The following GAD2 variants were observed in gnomAD, a reference collection of about 807,000 sequenced individuals.
The protein encoded by GAD2 is 65 kDa glutamic acid decarboxylase.
In GAD2, 22 loss-of-function variants were observed where a neutral mutation model predicts 80.1. The ratio of observed to expected loss-of-function variants is 0.27; its 90% CI spans 0.20 to 0.39. The LOEUF is 0.39. Ranked by LOEUF, GAD2 falls within the 10% of genes least tolerant of loss-of-function variation. The pLI is 1.00. For missense variants in GAD2, 624 were observed against 738.4 expected (o/e 0.85, Z 1.80); for synonymous variants, 274 against 256.9 (o/e 1.07, Z -0.64).
intron 8 of GAD2, among the ~76,000 whole-genome samples, chr10:26,264,918 C>T (rs941801520): frequency 6.6e-6 from 1 of 152,176 alleles, no homozygotes; most frequent in South Asian, 2.1e-4. Flanking sequence ...GGCCAATGAA[C>T]GGGGTCAACT....
chr10:26,264,624 TTTAACCA>T (rs1231326402), intron 8 of GAD2, among the ~76,000 whole-genome samples: 1 of 152,158 alleles, frequency 6.6e-6, no homozygotes, highest in Non-Finnish European at 1.5e-5. Context: ...ATTTCAAGCT[TTTAACCA>T]TAGTCAACTG....
intron 8 of GAD2, among the ~76,000 whole-genome samples, chr10:26,262,083 G>A (rs1164064168): frequency 1.3e-5 from 2 of 152,032 alleles, no homozygotes; most frequent in Non-Finnish European, 2.9e-5. Context: ...TCTCTGACAC[G>A]TTTTGCTTTC....
At chr10:26,238,019 C>G (rs930280211) in intron 7 of GAD2, among the ~76,000 whole-genome samples, 1 of 151,116 alleles carries the variant, frequency 6.6e-6, no homozygotes, top group Non-Finnish European at 1.5e-5. Flanking sequence ...CACACACACA[C>G]ACACACACAC....
chr10:26,293,809 G>C (rs558841101), intron 15 of GAD2, among the ~76,000 whole-genome samples: 1 of 152,308 alleles, frequency 6.6e-6, no homozygotes, highest in Admixed American at 6.5e-5. Flanking sequence ...AGTGTGCATT[G>C]TGTCCCAGCT....
At chr10:26,248,191 C>T (rs370983858) in intron 8 of GAD2, among the ~76,000 whole-genome samples, 15 of 152,182 alleles carry the variant, frequency 9.9e-5, no homozygotes, top group Non-Finnish European at 2.2e-4. Flanking sequence ...CAAATCAATA[C>T]ATGGTGGTTA....
intron 8 of GAD2, among the ~76,000 whole-genome samples, chr10:26,249,523 C>G (rs115688288): frequency 6.6e-6 from 1 of 152,212 alleles, no homozygotes; most frequent in Non-Finnish European, 1.5e-5. Flanking sequence ...CCTAGAGGGC[C>G]GTGGCCCGCT....
At chr10:26,253,733 A>G (rs935230756) in intron 8 of GAD2, among the ~76,000 whole-genome samples, 10 of 152,240 alleles carry the variant, frequency 6.6e-5, no homozygotes, top group African/African-American at 2.4e-4. Flanking sequence ...CAGGAAGGGA[A>G]GCACCATGAT....
chr10:26,269,335 G>A (rs1480800228), intron 9 of GAD2, among the ~76,000 whole-genome samples, 162 bp downstream of exon 9: 1 of 152,116 alleles, frequency 6.6e-6, no homozygotes, highest in African/African-American at 2.4e-5. Flanking sequence ...TATTTCTCTG[G>A]GTTATAGGCT....
At chr10:26,224,108 TGA>T (rs1844489900) in intron 5 of GAD2, 131 bp downstream of exon 5, 1 of 624,038 alleles carries the variant, frequency 1.6e-6, no homozygotes, top group Non-Finnish European at 2.8e-6. Context: ...TTCTGAAGTG[TGA>T]GTGTTCACTT....
Position 26,219,123 on chromosome 10 carries a change from G to C in GAD2, c.367G>C (p.Val123Leu), listed in dbSNP as rs369441795. Reference sequence around the variant, plus strand: ...TATGAACATTTTACTTCAGTATGTGGTGAAAAGTTTCGATAGATCAACCAA... The same window carrying C: ...TATGAACATTTTACTTCAGTATGTGCTGAAAAGTTTCGATAGATCAACCAA... ...DVMNILLQYV[V>L]KSFDRSTKVI... Residue 123 changes from valine (V) to leucine (L), a missense_variant, in exon 4 of 16, where the codon GTG (valine) becomes CTG (leucine). Physicochemically the swap from Val to Leu is conservative, Grantham distance 32. Coordinates refer to ENST00000376261, the MANE Select transcript of GAD2 (RefSeq NM_001134366.2). The C allele has an allele frequency of 2.5e-6, 4 of 1,613,434 alleles. No homozygotes were observed. Among genetic ancestry groups the C allele is most frequent in the East Asian group, 2.2e-5 (1 of 44,818 alleles).
chr10:26,262,850 CTTT>C (rs61008985), intron 8 of GAD2, among the ~76,000 whole-genome samples: 1 of 145,974 alleles, frequency 6.9e-6, no homozygotes. Context: ...TATCATAATC[CTTT>C]TTTTTTTTTC....
At chr10:26,275,552 C>T (rs1845190811) in intron 11 of GAD2, among the ~76,000 whole-genome samples, 1 of 152,210 alleles carries the variant, frequency 6.6e-6, no homozygotes, top group Non-Finnish European at 1.5e-5. Context: ...GAGGGGGCTG[C>T]TGGTGTTCCA....
intron 4 of GAD2, among the ~76,000 whole-genome samples, chr10:26,221,818 G>A (rs1844455813): frequency 6.6e-6 from 1 of 152,246 alleles, no homozygotes; most frequent in South Asian, 2.1e-4. Context: ...AATGGCTGAC[G>A]CAGTGCGCTC....
intron 13 of GAD2, among the ~76,000 whole-genome samples, chr10:26,287,100 C>A (rs1845342649): frequency 6.6e-6 from 1 of 152,172 alleles, no homozygotes; most frequent in South Asian, 2.1e-4. Flanking sequence ...CTTGCTTAGA[C>A]TTAATTGTAG....
rs1476999031 is a variant in GAD2, at chr10:26,273,751, G to T, written c.1157+51G>T. The T allele has an allele frequency of 2.0e-6, 3 of 1,472,740 alleles. No homozygotes were observed. In the African/African-American group the frequency reaches 4.2e-5, roughly 21 times the overall value. The allele number at this position is 1,472,740 out of a possible 1,614,324, so 91.2% of individuals were successfully genotyped here. ...ACATAAAGTGTTAAAAGCTAACTGT[G>T]AAACACAAATTACAGTCAATTTCCA... On this transcript the variant is annotated intron_variant, in intron 11 of 15. Transcript: ENST00000376261.
Position 26,229,721 on chromosome 10 carries a change from G to T in GAD2, c.784G>T (p.Val262Phe). The T allele has an allele frequency of 6.2e-7, 1 of 1,614,202 alleles. No individual in the cohort carries two copies. ...CGCACGCTTTAAGATGTTCCCAGAA[G>T]TCAAGGAGAAAGGAATGGCTGCTCT... ...MIARFKMFPE[V>F]KEKGMAALPR... Residue 262 changes from valine to phenylalanine, a missense_variant, in exon 7 of 16, where the codon GTC (valine) becomes TTC (phenylalanine). Transcript: ENST00000376261.
At chr10:26,225,248 T>C (rs1167806793) in intron 6 of GAD2, among the ~76,000 whole-genome samples, 1 of 152,202 alleles carries the variant, frequency 6.6e-6, no homozygotes, top group East Asian at 1.9e-4. Context: ...TGCCATTCAG[T>C]CTTTTCCATC....
Position 26,304,365 on chromosome 10 carries a change from C to T in GAD2, c.*3404C>T, listed in dbSNP as rs1386102035. On this transcript the variant is annotated 3_prime_UTR_variant, in exon 16 of 16. Transcript: ENST00000376261. ...GTTAGGTGTGCCAAACTACCGTTCC[C>T]AAATTGGTGTTTCTGAATGACATCA... The T allele has an allele frequency of 6.6e-6, 1 of 152,610 alleles. No individual in the cohort carries two copies. The highest frequency in any genetic ancestry group is 1.5e-5 in the Non-Finnish European group (1 of 68,030). 9.5% of individuals were successfully genotyped at this position (152,610 alleles called of 1,614,324 possible).
chr10:26,268,622 C>T (rs1022712778), intron 8 of GAD2, among the ~76,000 whole-genome samples: 12 of 152,120 alleles, frequency 7.9e-5, no homozygotes, highest in Admixed American at 4.6e-4. Context: ...GCCTTCTTTA[C>T]GCTTTTAGCA....
Sources: allele counts gnomAD v4.1 joint callset (sites outside exome capture counted in the v4.1 genomes callset), GRCh38; gene constraint gnomAD v4.1.1; transcripts MANE v1.5; gene names NCBI Gene and HGNC (gene_info 2026-07-23, HGNC 2026-07-21).